The following COL13A1 variants were observed in gnomAD, a reference collection of about 807,000 sequenced individuals.
COL13A1 encodes collagen alpha-1(XIII) chain.
COL13A1 carries 89 observed loss-of-function variants against 130.9 expected under a neutral mutation model. The observed-to-expected ratio is 0.68, with a 90% CI of 0.57 to 0.81. The LOEUF is 0.81. Ranked by LOEUF, COL13A1 falls within the 30% of genes least tolerant of loss-of-function variation. The pLI, the probability that COL13A1 is intolerant of heterozygous loss-of-function variation, is 0.00. For synonymous variants in COL13A1, 402 were observed against 341.6 expected (o/e 1.18, Z -1.95); for missense variants, 879 against 934.6 (o/e 0.94, Z 0.78).
intron 6 of COL13A1, among the ~76,000 whole-genome samples, chr10:69,879,951 C>A (rs1412615402): frequency 6.6e-6 from 1 of 152,164 alleles, no homozygotes; most frequent in Non-Finnish European, 1.5e-5. Context: ...TTGCTCGTGT[C>A]CCCCTCCTCT....
chr10:69,944,340 T>G (rs536744123), intron 36 of COL13A1, among the ~76,000 whole-genome samples, 162 bp downstream of exon 36: 7 of 152,006 alleles, frequency 4.6e-5, no homozygotes, highest in African/African-American at 1.4e-4. Flanking sequence ...TAGCTATGAG[T>G]TGACAAGACT....
intron 40 of COL13A1, 70 bp from the exon 41 acceptor site, chr10:69,958,629 C>G: frequency 1.2e-6 from 2 of 1,610,988 alleles, no homozygotes; most frequent in Non-Finnish European, 1.7e-6. Flanking sequence ...TACCTCCCTT[C>G]CTACAAAGGA....
At chr10:69,937,231 A>G (rs115104137) in intron 33 of COL13A1, among the ~76,000 whole-genome samples, 32 of 152,170 alleles carry the variant, frequency 2.1e-4, no homozygotes, top group African/African-American at 7.0e-4. Context: ...CCCTTTCCTC[A>G]TGCCCTGGTA....
At chr10:69,949,025 C>A (rs1334194265) in intron 38 of COL13A1, among the ~76,000 whole-genome samples, 1 of 152,190 alleles carries the variant, frequency 6.6e-6, no homozygotes, top group Admixed American at 6.5e-5. Context: ...AGGTGGCACG[C>A]ACCTTTCTTT....
At chr10:69,895,192 C>T (rs1228821483) in intron 12 of COL13A1, among the ~76,000 whole-genome samples, 2 of 152,232 alleles carry the variant, frequency 1.3e-5, no homozygotes, top group African/African-American at 2.4e-5. Flanking sequence ...CGGCTGCTCC[C>T]ATCCGGTGGC....
At chr10:69,880,671 A>C (rs2060043835) in intron 7 of COL13A1, 118 bp downstream of exon 7, 1 of 1,057,576 alleles carries the variant, frequency 9.5e-7, no homozygotes, top group Admixed American at 2.1e-5. Context: ...TGGGGAGGCC[A>C]CCGCATGTGA....
intron 35 of COL13A1, among the ~76,000 whole-genome samples, chr10:69,943,238 C>T (rs573496858): frequency 6.6e-6 from 1 of 152,206 alleles, no homozygotes; most frequent in Non-Finnish European, 1.5e-5. Context: ...ACATCTTACT[C>T]CCCTCTTTGT....
intron 2 of COL13A1, among the ~76,000 whole-genome samples, chr10:69,832,226 T>C (rs1291815844): frequency 1.3e-5 from 2 of 152,208 alleles, no homozygotes; most frequent in East Asian, 1.9e-4. Flanking sequence ...AAATGCTGGA[T>C]GTTCTATTTA....
intron 13 of COL13A1, chr10:69,897,328 C>G: frequency 1.3e-6 from 1 of 748,182 alleles, no homozygotes; most frequent in South Asian, 2.0e-5. Context: ...ACCAAGAAAT[C>G]CAGGTGGCCC....
In COL13A1 at chr10:69,834,044, G is replaced by T. The variant is rs551864794; in HGVS notation, c.364+11606G>T. 5.9e-5 allele frequency among the ~76,000 whole-genome samples: 9 copies of T among 152,302 alleles called. No individual in the cohort carries two copies. The South Asian group carries it at 1.7e-3, about 28-fold the overall frequency. ...AGAGAAGCTGGGAATGGGCAGCAAT[G>T]ATCTCTCTAAGGCAGCAGTCCCCAG... is the stretch of plus-strand genomic sequence containing the variant. On this transcript the variant is annotated intron_variant, in intron 2 of 40. Coordinates refer to ENST00000645393, the MANE Select transcript of COL13A1 (RefSeq NM_001368882.1).
intron 12 of COL13A1, 53 bp downstream of exon 12, chr10:69,894,754 G>C: frequency 6.2e-7 from 1 of 1,610,094 alleles, no homozygotes; most frequent in African/African-American, 1.3e-5. Context: ...TGGCCTCCCA[G>C]TTGGTAGAAA....
At chr10:69,918,558 T>C (rs1349694538) in intron 19 of COL13A1, among the ~76,000 whole-genome samples, 1 of 152,216 alleles carries the variant, frequency 6.6e-6, no homozygotes, top group East Asian at 1.9e-4. Context: ...AGCCTGCCAA[T>C]GCACCAAGGC....
At chr10:69,846,939 G>A (rs954668503) in intron 2 of COL13A1, among the ~76,000 whole-genome samples, 14 of 152,210 alleles carry the variant, frequency 9.2e-5, no homozygotes, top group African/African-American at 2.7e-4. Flanking sequence ...TTCCCAGCGG[G>A]AGCCACGGCC....
chr10:69,823,166 G>A (rs1173113570), intron 2 of COL13A1, among the ~76,000 whole-genome samples: 1 of 152,232 alleles, frequency 6.6e-6, no homozygotes, highest in Non-Finnish European at 1.5e-5. Context: ...TGCGTACTAA[G>A]GACCTGCTGG....
chr10:69,809,280 C>T (rs1842366784), intron 1 of COL13A1, among the ~76,000 whole-genome samples: 2 of 152,306 alleles, frequency 1.3e-5, no homozygotes, highest in African/African-American at 4.8e-5. Flanking sequence ...ATTGCCACCT[C>T]GCTCATCATT....
rs1359228988 is a variant in COL13A1, at chr10:69,930,525, A to C, written c.1656A>C (p.Lys552Asn). Residue 552 changes from lysine (K) to asparagine (N), a missense_variant, in exon 30 of 41, where the codon AAA becomes AAC. Lys to Asn is a moderately conservative substitution (Grantham distance 94, BLOSUM62 0). Transcript: ENST00000645393. ...GGAGCCCAGGAGAGAAGGGGGAAAA[A>C]GGGGAGACAGGACAAGCAGGCTCAC... ...HPGSPGEKGE[K>N]GETGQAGSPG... 2 of 1,613,132 alleles carry C rather than the reference A, an allele frequency of 1.2e-6. No homozygotes were observed. Among genetic ancestry groups the C allele is most frequent in the East Asian group, 2.2e-5 (1 of 44,868 alleles).
chr10:69,885,987 C>T (rs1187952071), intron 7 of COL13A1, among the ~76,000 whole-genome samples: 3 of 152,168 alleles, frequency 2.0e-5, no homozygotes, highest in Non-Finnish European at 2.9e-5. Context: ...ACCCAGCTGA[C>T]GTGTTCCCTG....
At chr10:69,846,802 G>A (rs1234239083) in intron 2 of COL13A1, among the ~76,000 whole-genome samples, 1 of 152,220 alleles carries the variant, frequency 6.6e-6, no homozygotes, top group Non-Finnish European at 1.5e-5. Context: ...TTTCCCTGGA[G>A]GTCCCTCCTC....
chr10:69,919,177 C>T, intron 20 of COL13A1, 89 bp downstream of exon 20: 1 of 1,557,006 alleles, frequency 6.4e-7, no homozygotes, highest in South Asian at 1.1e-5. Flanking sequence ...GCTCTTGGTC[C>T]CCCTGAGGCT....
Sources: gnomAD v4.1 joint callset for allele counts (sites outside exome capture counted in the v4.1 genomes callset) on GRCh38, gnomAD v4.1.1 for gene constraint, MANE v1.5 for transcripts, NCBI Gene and HGNC (gene_info 2026-07-23, HGNC 2026-07-21) for gene names.